The following ADAMTSL1 variants were observed in gnomAD, a reference collection of about 807,000 sequenced individuals.
The protein encoded by ADAMTSL1 is ADAMTS-like protein 1.
In ADAMTSL1, 126 loss-of-function variants were observed where a neutral mutation model predicts 201.8. That is an observed-to-expected ratio of 0.62 (90% confidence interval 0.54 to 0.72). ADAMTSL1 has a LOEUF of 0.72. ADAMTSL1 is among the 30% of genes least tolerant of loss of function. The pLI is 0.00. For synonymous variants in ADAMTSL1, 1,121 were observed against 903.4 expected (o/e 1.24, Z -4.32); for missense variants, 2,679 against 2,277.8 (o/e 1.18, Z -3.59).
chr9:18,598,199 G>A (rs539900084), intron 4 of ADAMTSL1, among the ~76,000 whole-genome samples: 4 of 152,140 alleles, frequency 2.6e-5, no homozygotes, highest in Admixed American at 2.6e-4. Flanking sequence ...GAAAGGGACC[G>A]TGGAGAAATT....
chr9:18,011,315 G>T (rs1244767458), intron 1 of ADAMTSL1, among the ~76,000 whole-genome samples: 1 of 151,970 alleles, frequency 6.6e-6, no homozygotes. Flanking sequence ...ACTACCTAAG[G>T]ATTTTACCAG....
At chr9:17,949,910 A>G (rs988564209) in intron 1 of ADAMTSL1, among the ~76,000 whole-genome samples, 1 of 152,064 alleles carries the variant, frequency 6.6e-6, no homozygotes, top group East Asian at 1.9e-4. Flanking sequence ...ATTTTGTTAC[A>G]TGCTGTTACC....
intron 1 of ADAMTSL1, among the ~76,000 whole-genome samples, chr9:18,045,419 C>A (rs1821615370): frequency 6.6e-6 from 1 of 152,008 alleles, no homozygotes; most frequent in South Asian, 2.1e-4. Context: ...GTGATTTTGC[C>A]TTCTTTTGCT....
intron 1 of ADAMTSL1, among the ~76,000 whole-genome samples, chr9:18,101,365 GC>G (rs1416193880): frequency 1.3e-5 from 2 of 151,968 alleles, no homozygotes; most frequent in East Asian, 3.9e-4. Context: ...AGGCGTGGTG[GC>G]ATGTGCCTGT....
chr9:18,457,130 T>C (rs10756963), intron 2 of ADAMTSL1, among the ~76,000 whole-genome samples: 103,010 of 151,994 alleles, frequency 0.68, 34,963 homozygotes, highest in Middle Eastern at 0.7. Context: ...ACTACTTTTC[T>C]ATGCATTTTA....
intron 23 of ADAMTSL1, among the ~76,000 whole-genome samples, chr9:18,843,003 G>T (rs566015851): frequency 6.6e-6 from 1 of 152,206 alleles, no homozygotes; most frequent in African/African-American, 2.4e-5. Context: ...GCCAGTCTTT[G>T]TCTTTTAATT....
In ADAMTSL1 at chr9:17,998,173, T is replaced by C. The variant is rs568133761; in HGVS notation, c.87+91251T>C. 3.4e-3 allele frequency among the ~76,000 whole-genome samples: 520 copies of C among 152,218 alleles called. 4 individuals carry two copies. The highest frequency in any genetic ancestry group is 0.012 in the African/African-American group (500 of 41,556). ...TGGAAGCAGACATGTGTTAAAAGAATACATATTTAATATACAAACATATGT... is the reference window on the plus strand; with the variant it reads ...TGGAAGCAGACATGTGTTAAAAGAACACATATTTAATATACAAACATATGT... On this transcript the variant is annotated intron_variant, in intron 1 of 29. Transcript: ENST00000680146.
At chr9:18,608,417 C>G (rs913407797) in intron 4 of ADAMTSL1, among the ~76,000 whole-genome samples, 8 of 152,148 alleles carry the variant, frequency 5.3e-5, no homozygotes, top group Admixed American at 4.6e-4. Flanking sequence ...TAGACTATAG[C>G]AGGAAAGAAA....
At chr9:18,499,294 A>G (rs1358193121) in intron 1 of ADAMTSL1, among the ~76,000 whole-genome samples, 1 of 152,258 alleles carries the variant, frequency 6.6e-6, no homozygotes, top group Non-Finnish European at 1.5e-5. Flanking sequence ...AAGTACATCA[A>G]AAAGCTAATG....
At chr9:18,404,207 CT>C (rs554570128) in intron 2 of ADAMTSL1, among the ~76,000 whole-genome samples, 70 of 152,172 alleles carry the variant, frequency 4.6e-4, no homozygotes, top group African/African-American at 1.7e-3. Flanking sequence ...TAAGTTTATG[CT>C]TTTTTAAAGT....
chr9:18,312,271 A>G (rs769473688), intron 2 of ADAMTSL1, among the ~76,000 whole-genome samples: 2 of 152,180 alleles, frequency 1.3e-5, no homozygotes, highest in Non-Finnish European at 2.9e-5. Context: ...CTTCCTGTGG[A>G]TAAAATTAAA....
At chr9:18,439,749 C>G (rs1013782655) in intron 2 of ADAMTSL1, among the ~76,000 whole-genome samples, 2 of 152,158 alleles carry the variant, frequency 1.3e-5, no homozygotes, top group African/African-American at 4.8e-5. Context: ...GTGCCTGGCT[C>G]TTGAATGCTT....
chr9:18,658,038 C>T (rs1335067203), intron 8 of ADAMTSL1, among the ~76,000 whole-genome samples: 1 of 148,784 alleles, frequency 6.7e-6, no homozygotes, highest in Non-Finnish European at 1.5e-5. Flanking sequence ...GCAGTGGCGC[C>T]ATCTCGGCTC....
In ADAMTSL1 at chr9:18,828,661, TATA is replaced by T. The variant is rs1287911192; in HGVS notation, c.4115-1181_4115-1179del. On this transcript the variant is annotated intron_variant, in intron 22 of 28. Transcript: ENST00000380548. ...AAAAGGATTCTTTTGAAAGTATATT[TATA>T]TATATATATATATATATATATATAT... is the stretch of plus-strand genomic sequence containing the variant. Among the ~76,000 whole-genome samples, 42 of 60,440 alleles carry T rather than the reference TATA, an allele frequency of 6.9e-4. 5 individuals are homozygous for T. The highest frequency in any genetic ancestry group is 1.9e-3 in the African/African-American group (33 of 16,982). 39.7% of individuals were successfully genotyped at this position (60,440 alleles called of 152,430 possible).
intron 3 of ADAMTSL1, among the ~76,000 whole-genome samples, chr9:18,548,699 A>G (rs1220264782): frequency 6.6e-6 from 1 of 152,106 alleles, no homozygotes; most frequent in Non-Finnish European, 1.5e-5. Context: ...AAGTGACACA[A>G]ATAATGAGTA....
intron 15 of ADAMTSL1, among the ~76,000 whole-genome samples, chr9:18,733,063 C>A (rs1439675005): frequency 6.6e-6 from 1 of 152,184 alleles, no homozygotes; most frequent in Non-Finnish European, 1.5e-5. Flanking sequence ...AAAGCAGTTA[C>A]TGAGAACCTG....
At chr9:18,783,909 G>GCTACTTTCTACTTGCTA (rs1821549330) in intron 19 of ADAMTSL1, among the ~76,000 whole-genome samples, 3 of 152,188 alleles carry the variant, frequency 2.0e-5, no homozygotes, top group African/African-American at 7.2e-5. Context: ...TACTGCCAGA[G>GCTACTTTCTACTTGCTA]CATCTTTCTA....
Position 18,721,577 on chromosome 9 carries a change from C to A in ADAMTSL1, c.1918C>A (p.Arg640=). The part of the protein sequence containing the change: ...AVVSCLNKQT[R]EPAEENLCVT... ...GGTGAGCTGCTTGAACAAACAGACT[C>A]GGGAGCCTGCTGAGGAGAACCTGTG... Residue 640 remains arginine, a synonymous_variant, in exon 15 of 29, where the codon CGG becomes AGG. Coordinates refer to ENST00000380548, the MANE Select transcript of ADAMTSL1 (RefSeq NM_001040272.6). The A allele has an allele frequency of 1.2e-6, 2 of 1,613,970 alleles. No individual in the cohort carries two copies. The highest frequency in any genetic ancestry group is 1.7e-6 in the Non-Finnish European group (2 of 1,179,866).
intron 2 of ADAMTSL1, among the ~76,000 whole-genome samples, chr9:18,274,003 A>C (rs1401622295): frequency 6.6e-6 from 1 of 152,236 alleles, no homozygotes; most frequent in East Asian, 1.9e-4. Flanking sequence ...CATACATACA[A>C]ATCATAATTT....
Sources: gnomAD v4.1 joint callset for allele counts (sites outside exome capture counted in the v4.1 genomes callset) on GRCh38, gnomAD v4.1.1 for gene constraint, MANE v1.5 for transcripts, NCBI Gene and HGNC (gene_info 2026-07-23, HGNC 2026-07-21) for gene names.